The following SMARCAL1 variants were observed in gnomAD, a reference collection of about 807,000 sequenced individuals.
The protein encoded by SMARCAL1 is ATP-driven annealing helicase.
In SMARCAL1, 58 loss-of-function variants were observed where a neutral mutation model predicts 94.5. That is an observed-to-expected ratio of 0.61 (90% CI 0.50 to 0.76). SMARCAL1 has a LOEUF of 0.76. Ranked by LOEUF, SMARCAL1 falls within the 30% of genes least tolerant of loss-of-function variation. The pLI, the probability that SMARCAL1 is intolerant of heterozygous loss-of-function variation, is 0.00. For synonymous variants in SMARCAL1, 422 were observed against 455.1 expected (o/e 0.93, Z 0.93); for missense variants, 1,051 against 1,177.9 (o/e 0.89, Z 1.58).
intron 15 of SMARCAL1, among the ~76,000 whole-genome samples, chr2:216,476,007 C>T (rs993586638): frequency 6.6e-6 from 1 of 152,008 alleles, no homozygotes; most frequent in Admixed American, 6.6e-5. Flanking sequence ...CCAGCCTGTG[C>T]CCCCTTTAGT....
intron 14 of SMARCAL1, among the ~76,000 whole-genome samples, chr2:216,473,160 C>T (rs1695002846): frequency 6.6e-6 from 1 of 152,104 alleles, no homozygotes; most frequent in Non-Finnish European, 1.5e-5. Flanking sequence ...CTGCCCCTTC[C>T]CTCACCCTCC....
At chr2:216,430,008 C>T (rs1693929510) in intron 7 of SMARCAL1, among the ~76,000 whole-genome samples, 1 of 152,118 alleles carries the variant, frequency 6.6e-6, no homozygotes, top group East Asian at 1.9e-4. Context: ...TGCCCAGCCC[C>T]ACCCCCTGGG....
intron 13 of SMARCAL1, among the ~76,000 whole-genome samples, chr2:216,465,940 C>T (rs560034129): frequency 1.3e-5 from 2 of 152,318 alleles, no homozygotes; most frequent in Admixed American, 6.5e-5. Context: ...AAAGACTGCC[C>T]AGTGCTGGCC....
chr2:216,436,581 A>T (rs960538643), intron 9 of SMARCAL1, among the ~76,000 whole-genome samples: 2 of 152,206 alleles, frequency 1.3e-5, no homozygotes, highest in African/African-American at 4.8e-5. Flanking sequence ...TTGCAAAGTG[A>T]TATAGGTAAT....
chr2:216,480,032 A>G (rs1220718506), intron 17 of SMARCAL1, among the ~76,000 whole-genome samples: 3 of 152,222 alleles, frequency 2.0e-5, no homozygotes, highest in Non-Finnish European at 4.4e-5. Context: ...AGCCTAGGCA[A>G]CAGAGACAGA....
At chr2:216,470,242 C>A (rs929157296) in intron 14 of SMARCAL1, among the ~76,000 whole-genome samples, 1 of 152,132 alleles carries the variant, frequency 6.6e-6, no homozygotes, top group Admixed American at 6.5e-5. Flanking sequence ...CCTCCGCCTC[C>A]TGGGTTCAAG....
chr2:216,422,746 A>G (rs1226760710), intron 5 of SMARCAL1, among the ~76,000 whole-genome samples: 1 of 152,220 alleles, frequency 6.6e-6, no homozygotes, highest in Non-Finnish European at 1.5e-5. Flanking sequence ...TCATACAGTG[A>G]AGAATGAACT....
intron 1 of SMARCAL1, chr2:216,412,957 A>C (rs980155859): frequency 8.5e-5 from 13 of 152,382 alleles, no homozygotes; most frequent in African/African-American, 3.1e-4. Flanking sequence ...ACAGCTTACC[A>C]GGCCTGGGAT....
chr2:216,434,936 A>G (rs1225479350), intron 8 of SMARCAL1, among the ~76,000 whole-genome samples: 1 of 141,280 alleles, frequency 7.1e-6, no homozygotes, highest in Non-Finnish European at 1.5e-5. Context: ...TCGTCTCACC[A>G]CAACCTCCAC....
In SMARCAL1 at chr2:216,475,564, T is replaced by C; in HGVS notation, c.2427+113T>C. The C allele has an allele frequency of 9.3e-7, 1 of 1,073,206 alleles. No homozygotes were observed. Among genetic ancestry groups the C allele is most frequent in the Non-Finnish European group, 1.4e-6 (1 of 698,524 alleles). The allele number at this position is 1,073,206 out of a possible 1,614,324, so 66.5% of individuals were successfully genotyped here. On this transcript the variant is annotated intron_variant, in intron 15 of 17. Coordinates refer to ENST00000357276, the MANE Select transcript of SMARCAL1 (RefSeq NM_014140.4). The surrounding 1 kb of genome is among the most constrained non-coding windows in gnomAD (Gnocchi z 4.4). ...TTTCCCTTTTATCCATTCATTATAC[T>C]TCCCACAAGTCAGTTTTCACTTCCT...
At chr2:216,422,834 A>G (rs570077391) in intron 5 of SMARCAL1, among the ~76,000 whole-genome samples, 1 of 152,358 alleles carries the variant, frequency 6.6e-6, no homozygotes, top group South Asian at 2.1e-4. Flanking sequence ...AAATTCCTCT[A>G]TTTAAAGAAT....
chr2:216,440,955 C>T (rs1694186436), intron 10 of SMARCAL1, among the ~76,000 whole-genome samples: 1 of 152,172 alleles, frequency 6.6e-6, no homozygotes, highest in African/African-American at 2.4e-5. Flanking sequence ...CCTTCTCCAA[C>T]CCCATGGAGA....
chr2:216,452,269 G>A (rs1229278172), intron 12 of SMARCAL1, among the ~76,000 whole-genome samples: 1 of 152,094 alleles, frequency 6.6e-6, no homozygotes, highest in Non-Finnish European at 1.5e-5. Context: ...ATCAATCTTG[G>A]TGGTCTTTTG....
Position 216,420,391 on chromosome 2 carries a change from C to T in SMARCAL1, c.955C>T (p.Gln319Ter). 6.2e-7 allele frequency: 1 copy of T among 1,614,206 alleles called. No homozygotes were observed. Among genetic ancestry groups the T allele is most frequent in the Non-Finnish European group, 8.5e-7 (1 of 1,180,028 alleles). ...GTCACCCTCCACCAGCAGTGAGGGA[C>T]AGGCCGGCCTTCCATCAGCTCCATC... ...SESPSTSSEG[Q>*]AGLPSAPSLS... Residue 319 changes from glutamine to a stop codon, truncating the protein, a stop_gained, in exon 5 of 18, where the codon CAG becomes TAG. Transcript: ENST00000357276. LOFTEE classifies it high-confidence loss of function.
At chr2:216,441,475 C>G (rs910721780) in intron 10 of SMARCAL1, among the ~76,000 whole-genome samples, 5 of 152,264 alleles carry the variant, frequency 3.3e-5, no homozygotes, top group Middle Eastern at 3.4e-3. Flanking sequence ...CCACTGTTAA[C>G]AGCTTATTTT....
Position 216,428,603 on chromosome 2 carries a change from G to C in SMARCAL1, c.1155G>C (p.Lys385Asn). The change falls in exon 7 of 18, where the codon AAG becomes AAC. Residue 385 changes from lysine to asparagine, a missense_variant. Lys to Asn is a moderately conservative substitution (Grantham distance 94). This residue lies in a region of SMARCAL1 where 642 missense variants were observed against 754.7 expected (regional missense o/e 0.85). Coordinates refer to ENST00000357276, the MANE Select transcript of SMARCAL1 (RefSeq NM_014140.4). ...LLEEHSKLIAKVRCLPQVQLD... is the reference protein window; with the variant it reads ...LLEEHSKLIANVRCLPQVQLD... ...TTCTGTTCTTCTTTTCAGTTGCAAA[G>C]GTGCGCTGCCTCCCACAAGTTCAGC... The C allele has an allele frequency of 6.2e-7, 1 of 1,613,736 alleles. No homozygotes were observed. The highest frequency in any genetic ancestry group is 8.5e-7 in the Non-Finnish European group (1 of 1,180,036).
chr2:216,443,372 A>AC (rs1226377136), intron 10 of SMARCAL1, among the ~76,000 whole-genome samples: 1 of 151,618 alleles, frequency 6.6e-6, no homozygotes, highest in Non-Finnish European at 1.5e-5. Flanking sequence ...GTCTCAAAAA[A>AC]AAAAAAAAAA....
At chr2:216,428,936 G>C (rs1008421614) in intron 7 of SMARCAL1, among the ~76,000 whole-genome samples, 154 bp downstream of exon 7, 19 of 152,212 alleles carry the variant, frequency 1.2e-4, no homozygotes, top group Non-Finnish European at 2.5e-4. Flanking sequence ...CAGGTGTGCT[G>C]TTACCAAAGC....
chr2:216,451,244 A>G (rs1694443984), intron 12 of SMARCAL1, 180 bp downstream of exon 12: 2 of 643,106 alleles, frequency 3.1e-6, no homozygotes, highest in Non-Finnish European at 2.8e-6. Flanking sequence ...AGTTTTGAAA[A>G]ATCTCATATT....
Sources: gnomAD v4.1 joint callset for allele counts (sites outside exome capture counted in the v4.1 genomes callset) on GRCh38, gnomAD v4.1.1 for gene constraint, gnomAD v4.1.1 regional missense constraint, Gnocchi (gnomAD v3.1) non-coding constraint, MANE v1.5 for transcripts, NCBI Gene and HGNC (gene_info 2026-07-23, HGNC 2026-07-21) for gene names.